The following RIGI variants were observed in gnomAD, a reference collection of about 807,000 sequenced individuals.
RIGI encodes antiviral innate immune response receptor RIG-I.
At chr9:32,457,086 A>C in the RIGI span, 7 of 1,540,586 alleles carry the variant, frequency 4.5e-6, no homozygotes, top group Non-Finnish European at 6.3e-6. Flanking sequence ...ACTCAAAGTT[A>C]CTCATTCCCT....
chr9:32,466,460 T>G, the RIGI span: 2 of 1,580,324 alleles, frequency 1.3e-6, no homozygotes, highest in Non-Finnish European at 8.6e-7. Context: ...AAATAAATAT[T>G]TTAGTTGGTG....
chr9:32,490,657 T>C, the RIGI span, among the ~76,000 whole-genome samples: 1 of 152,222 alleles, frequency 6.6e-6, no homozygotes, highest in East Asian at 1.9e-4. Flanking sequence ...AACTTTTTAT[T>C]ATGGCATATT....
chr9:32,458,642 T>C, the RIGI span, among the ~76,000 whole-genome samples: 1 of 152,200 alleles, frequency 6.6e-6, no homozygotes, highest in Non-Finnish European at 1.5e-5. Context: ...TAAAATAAAC[T>C]TTACTTTGGA....
At chr9:32,519,958 T>C in the RIGI span, among the ~76,000 whole-genome samples, 18 of 152,330 alleles carry the variant, frequency 1.2e-4, no homozygotes, top group African/African-American at 3.8e-4. Context: ...TTGTCAGTAC[T>C]TTATCTAGAA....
chr9:32,456,816 C>T, the RIGI span: 20 of 221,282 alleles, frequency 9.0e-5, no homozygotes, highest in Admixed American at 8.8e-4. Context: ...TCCATTCATT[C>T]ATCTATCCCA....
the RIGI span, chr9:32,456,783 A>G: frequency 5.2e-6 from 1 of 193,402 alleles, no homozygotes; most frequent in Non-Finnish European, 1.1e-5. Context: ...AAGGAGACAA[A>G]GGGAGATAAA....
At chr9:32,457,516 T>G in the RIGI span, 1 of 1,045,922 alleles carries the variant, frequency 9.6e-7, no homozygotes, top group Non-Finnish European at 1.3e-6. Flanking sequence ...CACAATAATC[T>G]GAGGCAAAGA....
At chr9:32,493,890 T>C in the RIGI span, 1,418 of 1,609,100 alleles carry the variant, frequency 8.8e-4, 17 homozygotes, top group African/African-American at 0.017. Context: ...CCTCCAACTT[T>C]TCAATTTTTT....
At chr9:32,467,829 A>C in the RIGI span, 2 of 1,613,668 alleles carry the variant, frequency 1.2e-6, no homozygotes, top group Non-Finnish European at 1.7e-6. Context: ...TGCACTGTGC[A>C]ATGTCAATGC....
At chr9:32,456,475 A>C in the RIGI span, 1 of 152,178 alleles carries the variant, frequency 6.6e-6, no homozygotes, top group Non-Finnish European at 1.5e-5. Flanking sequence ...ACATATACAT[A>C]CCTGTATGTA....
the RIGI span, chr9:32,455,596 TG>T: frequency 6.6e-6 from 1 of 151,996 alleles, no homozygotes; most frequent in Non-Finnish European, 1.5e-5. Context: ...GAGATTTGGG[TG>T]GGGACATATA....
chr9:32,503,078 A>G, the RIGI span, among the ~76,000 whole-genome samples: 1 of 152,150 alleles, frequency 6.6e-6, no homozygotes, highest in African/African-American at 2.4e-5. Context: ...CTGGACCCAC[A>G]ATCCTACCGT....
At chr9:32,512,941 G>A in the RIGI span, among the ~76,000 whole-genome samples, 2 of 152,026 alleles carry the variant, frequency 1.3e-5, no homozygotes, top group Admixed American at 6.6e-5. Flanking sequence ...CAAACAGAGA[G>A]CCAAATCATG....
At chr9:32,498,344 C>T in the RIGI span, 1 of 456,638 alleles carries the variant, frequency 2.2e-6, no homozygotes, top group South Asian at 1.5e-5. Flanking sequence ...TTTCATGACT[C>T]CTCCTGTAGC....
chr9:32,486,146 C>T, the RIGI span, among the ~76,000 whole-genome samples: 2 of 152,136 alleles, frequency 1.3e-5, no homozygotes, highest in East Asian at 3.9e-4. Flanking sequence ...TAGCAGTTCT[C>T]TAACAGAAGT....
chr9:32,461,543 C>T, the RIGI span, among the ~76,000 whole-genome samples: 12 of 152,162 alleles, frequency 7.9e-5, no homozygotes, highest in Non-Finnish European at 1.3e-4. Flanking sequence ...GCAAGTGCCT[C>T]GTTTCTTTAC....
chr9:32,457,260 C>T, the RIGI span: 2 of 1,614,154 alleles, frequency 1.2e-6, no homozygotes, highest in Non-Finnish European at 1.7e-6. Context: ...TCTCAAATGT[C>T]TTGTACTTCA....
the RIGI span, chr9:32,466,429 G>A: frequency 6.2e-7 from 1 of 1,610,374 alleles, no homozygotes; most frequent in Non-Finnish European, 8.5e-7. Context: ...GCTACCTCTT[G>A]CTCTTCCTCT....
the RIGI span, among the ~76,000 whole-genome samples, chr9:32,479,607 C>T: frequency 2.0e-5 from 3 of 151,928 alleles, no homozygotes; most frequent in Non-Finnish European, 2.9e-5. Context: ...GAGGCAGAGA[C>T]GGGTGGATCA....
Sources: allele counts gnomAD v4.1 joint callset (sites outside exome capture counted in the v4.1 genomes callset), GRCh38; gene constraint gnomAD v4.1.1; transcripts MANE v1.5; gene names NCBI Gene and HGNC (gene_info 2026-07-23, HGNC 2026-07-21).